PDGFD: variants seen among roughly 807,000 people sequenced by gnomAD.
PDGFD encodes the protein platelet derived growth factor D.
Under a neutral mutation model 44.7 loss-of-function variants are expected in PDGFD, and 30 were observed. That is an observed-to-expected ratio of 0.67 (90% CI 0.50 to 0.91). The LOEUF is 0.91. Ranked by LOEUF, PDGFD falls within the 40% of genes least tolerant of loss-of-function variation. The probability of loss-of-function intolerance (pLI) is 0.00; values close to 1 mark genes in which losing one functional copy is unlikely to be tolerated. For missense variants in PDGFD, 445 were observed against 457.8 expected (o/e 0.97, Z 0.25); for synonymous variants, 173 against 168.4 (o/e 1.03, Z -0.21).
chr11:103,963,720 T>C (rs1312349024), intron 3 of PDGFD, among the ~76,000 whole-genome samples: 2 of 152,182 alleles, frequency 1.3e-5, no homozygotes, highest in Non-Finnish European at 2.9e-5. Context: ...TTTAATATAG[T>C]CTTCAAAATG....
intron 1 of PDGFD, among the ~76,000 whole-genome samples, chr11:104,001,015 CACTGTGGGCCCACAGATA>C (rs1208453088): frequency 1.4e-4 from 22 of 152,158 alleles, no homozygotes; most frequent in Non-Finnish European, 2.2e-4. Flanking sequence ...TGAAGTGACT[CACTGTGGGCCCACAGATA>C]ACTTTAGGAT....
At chr11:104,109,859 C>G (rs1464002429) in intron 1 of PDGFD, among the ~76,000 whole-genome samples, 2 of 152,012 alleles carry the variant, frequency 1.3e-5, no homozygotes, top group South Asian at 2.1e-4. Flanking sequence ...AGAGTGTGCT[C>G]TGGATCCAGA....
rs1209029040 is a variant in PDGFD, at chr11:104,140,061, C to T, written c.124+23743G>A. 9.6e-4 allele frequency among the ~76,000 whole-genome samples: 19 copies of T among 19,738 alleles called. 8 individuals carry two copies. Among genetic ancestry groups the T allele is most frequent in the African/African-American group, 2.7e-3 (5 of 1,856 alleles). 12.9% of individuals were successfully genotyped at this position (19,738 alleles called of 152,430 possible). A position where few individuals can be genotyped will look rare whatever the true frequency, so the allele number is the denominator to read the frequency against. ...TGGCCTGGGCGACAGAGCGAGACTC[C>T]GTCTCAAAAAAAAAAAAATAAATAA... On this transcript the variant is annotated intron_variant, in intron 1 of 6. Coordinates refer to ENST00000393158, the MANE Select transcript of PDGFD (RefSeq NM_025208.5).
chr11:103,934,164 T>C (rs1858451344), intron 5 of PDGFD, among the ~76,000 whole-genome samples: 1 of 152,200 alleles, frequency 6.6e-6, no homozygotes, highest in South Asian at 2.1e-4. Flanking sequence ...TTCTGAATTT[T>C]TTTCTTTTAC....
In PDGFD at chr11:103,996,186, C is replaced by T; in HGVS notation, c.389G>A (p.Trp130Ter). The T allele has an allele frequency of 6.2e-7, 1 of 1,613,304 alleles. No homozygotes were observed. The highest frequency in any genetic ancestry group is 8.5e-7 in the Non-Finnish European group (1 of 1,179,504). Residue 130 changes from tryptophan to a stop codon, truncating the protein, a stop_gained, in exon 3 of 7, where the codon TGG becomes TAG. Coordinates refer to ENST00000393158, the MANE Select transcript of PDGFD (RefSeq NM_025208.5). LOFTEE classifies it high-confidence loss of function. ...SETSTIIRGR[W>*]CGHKEVPPRI... ...TGGAGGAACTTCCTTGTGTCCACACCATCGTCCTCTAATAATGGTACTGGT... is the reference window on the plus strand; with the variant it reads ...TGGAGGAACTTCCTTGTGTCCACACTATCGTCCTCTAATAATGGTACTGGT...
chr11:104,004,001 T>C (rs551591210), intron 1 of PDGFD, among the ~76,000 whole-genome samples: 4 of 152,250 alleles, frequency 2.6e-5, no homozygotes, highest in South Asian at 2.1e-4. Flanking sequence ...CAGGGGACAA[T>C]AGACGGAGAA....
chr11:104,087,195 A>ATTT (rs33989914), intron 1 of PDGFD, among the ~76,000 whole-genome samples: 45,930 of 129,020 alleles, frequency 0.36, 9,104 homozygotes, highest in Non-Finnish European at 0.4. Context: ...CAACTGGCTA[A>ATTT]TTTTTTTTTT....
At position 103,909,515 on chromosome 11, in the gene PDGFD, G is replaced by A. The variant is rs567925278; in HGVS notation, c.*179C>T. 4.4e-6 allele frequency: 3 copies of A among 688,610 alleles called. No homozygotes were observed. The highest frequency in any genetic ancestry group is 1.8e-5 in the African/African-American group (1 of 55,828). The allele number at this position is 688,610 out of a possible 1,614,324, so 42.7% of individuals were successfully genotyped here. ...TATATTCTTAGGTATAGAAGTTGATGATATACCTTTCTACTTGCCATGGCA... is the reference window on the plus strand; with the variant it reads ...TATATTCTTAGGTATAGAAGTTGATAATATACCTTTCTACTTGCCATGGCA... On this transcript the variant is annotated 3_prime_UTR_variant, in exon 7 of 7. Transcript: ENST00000393158.
chr11:104,069,433 C>G (rs892944097), intron 1 of PDGFD, among the ~76,000 whole-genome samples: 1 of 152,140 alleles, frequency 6.6e-6, no homozygotes, highest in East Asian at 1.9e-4. Flanking sequence ...AATTATTTGA[C>G]CTTTGGTAAT....
chr11:104,149,893 G>T (rs936021369), intron 1 of PDGFD, among the ~76,000 whole-genome samples: 18 of 152,088 alleles, frequency 1.2e-4, no homozygotes, highest in African/African-American at 3.9e-4. Flanking sequence ...GTGAAAAAAT[G>T]ACTTTATTCT....
At chr11:104,027,791 T>A (rs566937145) in intron 1 of PDGFD, among the ~76,000 whole-genome samples, 32 of 152,328 alleles carry the variant, frequency 2.1e-4, no homozygotes, top group African/African-American at 6.7e-4. Context: ...CAGATGCCTG[T>A]ATTTTGTTGA....
chr11:104,138,054 C>T (rs935431031), intron 1 of PDGFD, among the ~76,000 whole-genome samples: 3 of 152,142 alleles, frequency 2.0e-5, no homozygotes, highest in Non-Finnish European at 2.9e-5. Context: ...CCAACACTTG[C>T]ACCCCATAAC....
In PDGFD at chr11:103,909,692, T is replaced by C. The variant is rs919643712; in HGVS notation, c.*2A>G. 4 of 1,613,942 alleles carry C rather than the reference T, an allele frequency of 2.5e-6. No individual in the cohort carries two copies. In the African/African-American group the frequency reaches 5.3e-5, roughly 22 times the overall value. ...GCTTAATGTAAGGATGTGCACATTC[T>C]CTTATCGAGGTGGTCTTGAGCTGCA... On this transcript the variant is annotated 3_prime_UTR_variant, in exon 7 of 7. Transcript: ENST00000393158.
intron 3 of PDGFD, among the ~76,000 whole-genome samples, chr11:103,962,906 A>T (rs1277646757): frequency 6.6e-6 from 1 of 152,136 alleles, no homozygotes; most frequent in Non-Finnish European, 1.5e-5. Context: ...TATTTGAAAG[A>T]TGGCTATATT....
chr11:104,012,230 C>T (rs550346783), intron 1 of PDGFD, among the ~76,000 whole-genome samples: 1 of 152,104 alleles, frequency 6.6e-6, no homozygotes, highest in East Asian at 1.9e-4. Flanking sequence ...TATCTGGAGT[C>T]CTAAAAGTGC....
intron 1 of PDGFD, among the ~76,000 whole-genome samples, chr11:104,075,572 C>A (rs1404030127): frequency 6.6e-6 from 1 of 151,052 alleles, no homozygotes; most frequent in Non-Finnish European, 1.5e-5. Flanking sequence ...TGGCTCACTG[C>A]AACCTTGAAC....
chr11:104,119,076 AAT>A (rs373861164), intron 1 of PDGFD, among the ~76,000 whole-genome samples: 111 of 5,100 alleles, frequency 0.022, 35 homozygotes, highest in Non-Finnish European at 0.026. Flanking sequence ...ATATTGGTAT[AAT>A]ATATAATATA....
intron 1 of PDGFD, among the ~76,000 whole-genome samples, chr11:104,001,147 GA>G (rs1321815715): frequency 6.6e-6 from 1 of 152,216 alleles, no homozygotes; most frequent in Non-Finnish European, 1.5e-5. Context: ...GGGGATGAAA[GA>G]CGGATTGAAG....
At chr11:103,962,333 G>A (rs181370186) in intron 3 of PDGFD, among the ~76,000 whole-genome samples, 199 of 152,196 alleles carry the variant, frequency 1.3e-3, no homozygotes, top group African/African-American at 4.6e-3. Context: ...CTGATCAGAG[G>A]ATTCAATAGA....
Sources: gnomAD v4.1 joint callset for allele counts (sites outside exome capture counted in the v4.1 genomes callset) on GRCh38, gnomAD v4.1.1 for gene constraint, MANE v1.5 for transcripts, NCBI Gene and HGNC (gene_info 2026-07-23, HGNC 2026-07-21) for gene names.